The following CNTLN variants were observed in gnomAD, a reference collection of about 807,000 sequenced individuals.
CNTLN encodes the protein centlein, centrosomal protein.
A neutral mutation model predicts 180.0 loss-of-function variants in CNTLN; 212 were observed. The observed-to-expected ratio is 1.18, with a 90% CI of 1.05 to 1.32. CNTLN has a LOEUF of 1.32. Among genes scored for constraint, CNTLN ranks in the 40% most tolerant of loss-of-function variants. The pLI is 0.00. For synonymous variants in CNTLN, 722 were observed against 563.1 expected (o/e 1.28, Z -3.99); for missense variants, 2,095 against 1,610.9 (o/e 1.30, Z -5.14).
chr9:17,184,476 A>G (rs1417783807), intron 2 of CNTLN, among the ~76,000 whole-genome samples: 2 of 152,142 alleles, frequency 1.3e-5, no homozygotes, highest in East Asian at 3.9e-4. Context: ...TCAAGAATGA[A>G]CATTAATGTA....
At chr9:17,213,525 A>G (rs185301227) in intron 2 of CNTLN, among the ~76,000 whole-genome samples, 2,246 of 152,290 alleles carry the variant, frequency 0.015, 23 homozygotes, top group Non-Finnish European at 0.026. Flanking sequence ...AGAAGCATGT[A>G]TATTCTGTTG....
intron 23 of CNTLN, among the ~76,000 whole-genome samples, chr9:17,482,480 C>G (rs757864653): frequency 6.6e-6 from 1 of 152,082 alleles, no homozygotes; most frequent in Non-Finnish European, 1.5e-5. Context: ...ATACCATGTT[C>G]TTTGATTAGG....
intron 2 of CNTLN, among the ~76,000 whole-genome samples, chr9:17,152,969 A>T (rs1227958446): frequency 6.6e-6 from 1 of 152,004 alleles, no homozygotes; most frequent in African/African-American, 2.4e-5. Flanking sequence ...ATCAGAGATT[A>T]GGATTGCAAC....
In CNTLN at chr9:17,394,705, A is replaced by T; in HGVS notation, c.2251A>T (p.Lys751Ter). ...KELEQIIKGS[K>*]DVEKENTELQ... ...GCTAGAACAGATAATAAAGGGGAGT[A>T]AAGATGTAGAAAAAGAAAATACTGA... Residue 751 changes from lysine (K) to a stop codon, truncating the protein, a stop_gained, in exon 15 of 26, where the codon AAA becomes TAA. Transcript: ENST00000380647. LOFTEE classifies it high-confidence loss of function. 1 of 1,614,002 alleles carries T rather than the reference A, an allele frequency of 6.2e-7. No homozygotes were observed. Among genetic ancestry groups the T allele is most frequent in the South Asian group, 1.1e-5 (1 of 91,074 alleles).
At chr9:17,498,023 C>G (rs1833549159) in intron 25 of CNTLN, among the ~76,000 whole-genome samples, 1 of 152,036 alleles carries the variant, frequency 6.6e-6, no homozygotes, top group South Asian at 2.1e-4. Flanking sequence ...ATTTTATATT[C>G]TTCACTTTCA....
At chr9:17,337,135 C>G (rs144698513) in intron 10 of CNTLN, among the ~76,000 whole-genome samples, 3 of 151,970 alleles carry the variant, frequency 2.0e-5, no homozygotes, top group Non-Finnish European at 4.4e-5. Context: ...TCATATCCTT[C>G]GCCCACTTTT....
chr9:17,453,881 C>A (rs1278247960), intron 18 of CNTLN, among the ~76,000 whole-genome samples: 1 of 152,146 alleles, frequency 6.6e-6, no homozygotes, highest in Admixed American at 6.5e-5. Context: ...ATGCCTCTGG[C>A]CTTCTTTGAA....
At chr9:17,453,136 A>C (rs957790961) in intron 18 of CNTLN, among the ~76,000 whole-genome samples, 7 of 152,100 alleles carry the variant, frequency 4.6e-5, no homozygotes, top group African/African-American at 1.4e-4. Flanking sequence ...ACACAGCAAG[A>C]TCCCATATCT....
intron 12 of CNTLN, among the ~76,000 whole-genome samples, chr9:17,346,543 A>G (rs1338232733): frequency 6.6e-6 from 1 of 152,130 alleles, no homozygotes; most frequent in African/African-American, 2.4e-5. Flanking sequence ...GCACTTGAAA[A>G]ATTTGCTACT....
At chr9:17,512,256 T>C in the CNTLN span, among the ~76,000 whole-genome samples, 21 of 152,312 alleles carry the variant, frequency 1.4e-4, no homozygotes, top group African/African-American at 5.1e-4. Context: ...GAATAAGCCC[T>C]GGACCCCTGA....
At chr9:17,273,104 G>A (rs897411771) in intron 5 of CNTLN, among the ~76,000 whole-genome samples, 1 of 151,784 alleles carries the variant, frequency 6.6e-6, no homozygotes, top group Admixed American at 6.6e-5. Flanking sequence ...TATATATTTA[G>A]TTCTTTGCAA....
At chr9:17,519,876 G>A in the CNTLN span, among the ~76,000 whole-genome samples, 8 of 152,172 alleles carry the variant, frequency 5.3e-5, no homozygotes, top group Non-Finnish European at 1.2e-4. Flanking sequence ...TAACAAACAG[G>A]ACATAAAGCT....
rs61745833 is a variant in CNTLN at position 17,273,796 on chromosome 9, G to T, written c.913G>T (p.Ala305Ser). Residue 305 changes from alanine (A) to serine (S), a missense_variant, in exon 6 of 26, where the codon GCT becomes TCT. By Grantham distance (99) the Ala-to-Ser change is moderately conservative. Transcript: ENST00000380647. Reference protein sequence around the residue: ...EVEVSQSKYNALSLQLSNKQT... With the variant: ...EVEVSQSKYNSLSLQLSNKQT... ...TGAAGTATCACAGAGTAAATACAAT[G>T]CTCTATCATTACAGTTGAGTAATAA... is the stretch of plus-strand genomic sequence containing the variant. The T allele has an allele frequency of 9.0e-4, 1,409 of 1,573,518 alleles. 10 individuals carry two copies. The African/African-American group carries it at 0.016, about 18-fold the overall frequency.
intron 6 of CNTLN, among the ~76,000 whole-genome samples, chr9:17,283,415 T>A (rs1488186325): frequency 3.3e-5 from 5 of 152,120 alleles, no homozygotes; most frequent in Non-Finnish European, 5.9e-5. Flanking sequence ...TGTTAGTGTA[T>A]GGGAATGCTT....
downstream of CNTLN, among the ~76,000 whole-genome samples, chr9:17,506,912 T>A (rs530122681): frequency 9.2e-5 from 14 of 152,280 alleles, no homozygotes; most frequent in Admixed American, 2.0e-4. Context: ...ATGCGTACAT[T>A]GGGTAATAAT....
At chr9:17,217,792 T>TA (rs1472030510) in intron 2 of CNTLN, among the ~76,000 whole-genome samples, 3 of 152,196 alleles carry the variant, frequency 2.0e-5, no homozygotes, top group African/African-American at 7.2e-5. Context: ...GACAAATAGT[T>TA]AAAAGAGATG....
chr9:17,343,480 A>C (rs182194441), intron 12 of CNTLN, among the ~76,000 whole-genome samples: 1 of 152,180 alleles, frequency 6.6e-6, no homozygotes, highest in Non-Finnish European at 1.5e-5. Context: ...ATGTAATGAT[A>C]AACTTTTGAG....
intron 23 of CNTLN, among the ~76,000 whole-genome samples, chr9:17,477,558 A>G (rs991449592): frequency 6.6e-6 from 1 of 152,166 alleles, no homozygotes; most frequent in Non-Finnish European, 1.5e-5. Context: ...GTTTGTTCCA[A>G]CTTTCATGGA....
At chr9:17,216,147 T>G (rs112187927) in intron 2 of CNTLN, among the ~76,000 whole-genome samples, 3,961 of 152,208 alleles carry the variant, frequency 0.026, 176 homozygotes, top group African/African-American at 0.089. Context: ...AGTTGCTCAC[T>G]CTTGGAGCTG....
Sources: gnomAD v4.1 joint callset for allele counts (sites outside exome capture counted in the v4.1 genomes callset) on GRCh38, gnomAD v4.1.1 for gene constraint, MANE v1.5 for transcripts, NCBI Gene and HGNC (gene_info 2026-07-23, HGNC 2026-07-21) for gene names.